PCDH10: variants seen among roughly 807,000 people sequenced by gnomAD.
PCDH10 encodes the protein protocadherin 10.
PCDH10 carries 15 observed loss-of-function variants against 74.4 expected under a neutral mutation model. That is an observed-to-expected ratio of 0.20 (90% CI 0.13 to 0.31). The LOEUF (loss-of-function observed/expected upper bound fraction) is 0.31. Among genes scored for constraint, PCDH10 ranks in the 10% least tolerant of loss-of-function variants. PCDH10 has a pLI of 1.00. For missense variants in PCDH10, 1,260 were observed against 1,390.2 expected, an observed-to-expected ratio of 0.91 and a Z score of 1.49; for synonymous variants, 619 against 589.8, an observed-to-expected ratio of 1.05 and a Z score of -0.72.
Position 133,151,493 on chromosome 4 carries a change from A to T in PCDH10, c.1353A>T (p.Val451=). The change falls in exon 1 of 5, where the codon GTA becomes GTT. Residue 451 remains valine, a synonymous_variant. Coordinates refer to ENST00000264360, the MANE Select transcript of PCDH10 (RefSeq NM_032961.3). ...PALSTSKSIQ[V]QVSDVNDNAP... The stretch of plus-strand genomic sequence containing the variant: ...TCTCCACCAGTAAGTCGATCCAGGT[A>T]CAAGTGTCGGATGTGAACGACAACG... 6.2e-7 allele frequency: 1 copy of T among 1,613,896 alleles called. No individual in the cohort carries two copies. Among genetic ancestry groups the T allele is most frequent in the Non-Finnish European group, 8.5e-7 (1 of 1,179,980 alleles).
Position 133,163,002 on chromosome 4 carries a change from T to G in PCDH10, c.2823T>G (p.Thr941=), listed in dbSNP as rs766245596. The change falls in exon 4 of 5, where the codon ACT becomes ACG. Residue 941 remains threonine, a synonymous_variant. Transcript: ENST00000264360. ...SAGMDLFSNC[T]EECKALGHSD... is the part of the protein sequence containing the mutation. ...GTATGGATCTCTTCTCCAATTGCAC[T>G]GAGGAATGTAAAGCTCTGGGCCACT... is the stretch of plus-strand genomic sequence containing the variant. 6 of 1,613,190 alleles carry G rather than the reference T, an allele frequency of 3.7e-6. No individual in the cohort carries two copies. The highest frequency in any genetic ancestry group is 1.7e-5 in the Admixed American group (1 of 59,970).
rs766911892 is a variant in PCDH10 at position 133,150,959 on chromosome 4, C to A, written c.819C>A (p.Asn273Lys). Residue 273 changes from asparagine to lysine, a missense_variant, in exon 1 of 5, where the codon AAC becomes AAA. Coordinates refer to ENST00000264360, the MANE Select transcript of PCDH10 (RefSeq NM_032961.3). Reference sequence around the variant, plus strand: ...CAGGCACTCTCGTGATCCAGCTCAACGCCACCGACCCGGACGAGGGCCAGA... The same window carrying A: ...CAGGCACTCTCGTGATCCAGCTCAAAGCCACCGACCCGGACGAGGGCCAGA... ...SPPGTLVIQL[N>K]ATDPDEGQNG... is the part of the protein sequence containing the mutation. 1 of 1,613,974 alleles carries A rather than the reference C, an allele frequency of 6.2e-7. No homozygotes were observed. Among genetic ancestry groups the A allele is most frequent in the Admixed American group, 1.7e-5 (1 of 60,034 alleles).
At chr4:133,200,195 T>C (rs1727876830) in intron 2 of PCDH10, among the ~76,000 whole-genome samples, 1 of 152,040 alleles carries the variant, frequency 6.6e-6, no homozygotes, top group Admixed American at 6.6e-5. Context: ...ATATCTCTTG[T>C]CAAAACTTTC....
intron 4 of PCDH10, among the ~76,000 whole-genome samples, chr4:133,166,923 G>A (rs1727093949): frequency 6.6e-6 from 1 of 151,402 alleles, no homozygotes; most frequent in South Asian, 2.1e-4. Flanking sequence ...AAAAAAAGCT[G>A]CATGATAATG....
intron 1 of PCDH10, among the ~76,000 whole-genome samples, 179 bp from the exon 2 acceptor site, chr4:133,154,128 C>T (rs1239193475): frequency 6.6e-6 from 1 of 152,086 alleles, no homozygotes; most frequent in Non-Finnish European, 1.5e-5. Flanking sequence ...ATTTAAGTGT[C>T]CCTGCATATC....
At chr4:133,197,196 A>C (rs192502963), downstream of PCDH10, among the ~76,000 whole-genome samples, 2 of 152,194 alleles carry the variant, frequency 1.3e-5, no homozygotes, top group Non-Finnish European at 2.9e-5. Flanking sequence ...GTATGTTTGC[A>C]CTAGGACATA....
At chr4:133,155,629 C>G (rs190573082) in intron 3 of PCDH10, among the ~76,000 whole-genome samples, 1 of 152,166 alleles carries the variant, frequency 6.6e-6, no homozygotes, top group Admixed American at 6.5e-5. Flanking sequence ...TTTGAAGTGT[C>G]CTTGGTTTCT....
intron 4 of PCDH10, among the ~76,000 whole-genome samples, chr4:133,168,886 T>C (rs1727142476): frequency 6.6e-6 from 1 of 151,760 alleles, no homozygotes; most frequent in Non-Finnish European, 1.5e-5. Context: ...TAAAAAATGT[T>C]TTAATTAGTT....
At chr4:133,199,625 A>C (rs1027187118), downstream of PCDH10, among the ~76,000 whole-genome samples, 1 of 151,104 alleles carries the variant, frequency 6.6e-6, no homozygotes, top group Non-Finnish European at 1.5e-5. Context: ...AGTTAATGTA[A>C]AGGAAAAAAA....
chr4:133,183,182 G>T (rs147872268), intron 4 of PCDH10, among the ~76,000 whole-genome samples: 2 of 152,126 alleles, frequency 1.3e-5, no homozygotes, highest in Non-Finnish European at 2.9e-5. Flanking sequence ...TTAATTAGAA[G>T]TATTATTAAA....
chr4:133,165,156 G>A (rs1167727973), intron 4 of PCDH10, among the ~76,000 whole-genome samples: 1 of 150,052 alleles, frequency 6.7e-6, no homozygotes, highest in African/African-American at 2.4e-5. Context: ...TCCCTAATCT[G>A]TTTTAGCCAG....
chr4:133,162,606 G>A (rs190979822), intron 3 of PCDH10, among the ~76,000 whole-genome samples: 1 of 152,034 alleles, frequency 6.6e-6, no homozygotes, highest in African/African-American at 2.4e-5. Context: ...ACACCTTGTT[G>A]TTTTATCTGT....
chr4:133,177,124 T>C (rs375309059), intron 4 of PCDH10, among the ~76,000 whole-genome samples: 1 of 152,050 alleles, frequency 6.6e-6, no homozygotes, highest in African/African-American at 2.4e-5. Context: ...GTAAAAGACA[T>C]AGATGCCCGA....
chr4:133,208,363 A>G (rs1397781622), exon 3 of PCDH10: 1 of 152,248 alleles, frequency 6.6e-6, no homozygotes, highest in African/African-American at 2.4e-5. Context: ...TAGTTAATAC[A>G]TTATGTAGGT....
At chr4:133,199,433 T>C (rs1044755868), downstream of PCDH10, among the ~76,000 whole-genome samples, 10 of 150,928 alleles carry the variant, frequency 6.6e-5, no homozygotes, top group East Asian at 1.9e-4. Context: ...ATGAACACAA[T>C]TGACTTAGAA....
intron 4 of PCDH10, among the ~76,000 whole-genome samples, chr4:133,169,402 A>C (rs896370083): frequency 2.0e-5 from 3 of 151,866 alleles, no homozygotes; most frequent in Non-Finnish European, 4.4e-5. Context: ...CTTTTATTCA[A>C]TACTTTATAG....
chr4:133,178,386 A>T (rs1410199253), intron 4 of PCDH10, among the ~76,000 whole-genome samples: 1 of 151,730 alleles, frequency 6.6e-6, no homozygotes, highest in African/African-American at 2.4e-5. Context: ...ACAGGCATGC[A>T]CCACCACGAC....
intron 2 of PCDH10, among the ~76,000 whole-genome samples, chr4:133,200,362 A>AT (rs927342939): frequency 2.9e-4 from 44 of 151,702 alleles, no homozygotes; most frequent in African/African-American, 9.9e-4. Context: ...ACCTTCTGGC[A>AT]TTTTTTTTCT....
At chr4:133,180,351 C>T (rs899777181) in intron 4 of PCDH10, among the ~76,000 whole-genome samples, 1 of 152,010 alleles carries the variant, frequency 6.6e-6, no homozygotes, top group African/African-American at 2.4e-5. Flanking sequence ...GGAGGCAATT[C>T]ACCTGAGTTT....
Sources: allele counts gnomAD v4.1 joint callset (sites outside exome capture counted in the v4.1 genomes callset), GRCh38; gene constraint gnomAD v4.1.1; transcripts MANE v1.5; gene names NCBI Gene and HGNC (gene_info 2026-07-23, HGNC 2026-07-21).